AGAP1: variants seen among roughly 807,000 people sequenced by gnomAD.
The protein encoded by AGAP1 is arf-GAP with GTPase, ANK repeat and PH domain-containing protein 1.
A neutral mutation model predicts 105.3 loss-of-function variants in AGAP1; 29 were observed. The observed-to-expected ratio is 0.28, with a 90% CI of 0.21 to 0.38. The LOEUF (loss-of-function observed/expected upper bound fraction) is 0.38, where lower values mean the gene tolerates loss of function less well. AGAP1 is among the 10% of genes least tolerant of loss of function. AGAP1 has a pLI of 1.00. For synonymous variants in AGAP1, 509 were observed against 485.9 expected, an observed-to-expected ratio of 1.05 and a Z score of -0.63; for missense variants, 998 against 1,165.1, an observed-to-expected ratio of 0.86 and a Z score of 2.09.
At position 235,866,762 on chromosome 2, in the gene AGAP1, C is replaced by G. The variant is rs2049190045; in HGVS notation, c.1051-16583C>G. Among the ~76,000 whole-genome samples, 1 of 152,202 alleles carries G rather than the reference C, an allele frequency of 6.6e-6. No homozygotes were observed. ...ATTGGCTTCTCCTGAAGCCTCTCTC[C>G]TTGGCTTGCAGACAGCCATCTTCTC... On this transcript the variant is annotated intron_variant, in intron 9 of 17. Coordinates refer to ENST00000304032, the MANE Select transcript of AGAP1 (RefSeq NM_001037131.3). The surrounding 1 kb of genome is among the most constrained non-coding windows in gnomAD (Gnocchi z 6.1).
At chr2:236,074,317 C>G (rs1032370441) in intron 16 of AGAP1, among the ~76,000 whole-genome samples, 11 of 152,216 alleles carry the variant, frequency 7.2e-5, no homozygotes, top group African/African-American at 2.7e-4. Context: ...ATTCTCTCCA[C>G]TCCCTCCCCA....
At chr2:235,763,024 G>T (rs1259957298) in intron 6 of AGAP1, among the ~76,000 whole-genome samples, 1 of 149,620 alleles carries the variant, frequency 6.7e-6, no homozygotes, top group Non-Finnish European at 1.5e-5. Context: ...GGCAATGATT[G>T]TTAAGGCTCG....
At chr2:236,074,546 A>G (rs764743454) in intron 16 of AGAP1, among the ~76,000 whole-genome samples, 2 of 152,230 alleles carry the variant, frequency 1.3e-5, no homozygotes, top group Non-Finnish European at 2.9e-5. Context: ...ACGAGATAAT[A>G]GTCTCCATAA....
rs1946965093 is a variant in AGAP1 at position 235,635,458 on chromosome 2, G to A, written c.164-73721G>A. On this transcript the variant is annotated intron_variant, in intron 1 of 17. Coordinates refer to ENST00000304032, the MANE Select transcript of AGAP1 (RefSeq NM_001037131.3). This position sits in a 1 kb window ranked among gnomAD's most constrained non-coding sequence, Gnocchi z 5.3. ...TACTCTGAAAATTTGTCATTTTGGT[G>A]TGGTGAATTCGTTCTTTTATTCATC... 6.6e-6 allele frequency among the ~76,000 whole-genome samples: 1 copy of A among 152,130 alleles called. No homozygotes were observed. Among genetic ancestry groups the A allele is most frequent in the African/African-American group, 2.4e-5 (1 of 41,438 alleles).
At chr2:235,894,367 CAG>C (rs906672149) in intron 10 of AGAP1, among the ~76,000 whole-genome samples, 2 of 152,164 alleles carry the variant, frequency 1.3e-5, no homozygotes, top group African/African-American at 4.8e-5. Context: ...TCCCTGGGAA[CAG>C]CCAGAGTCCA....
Position 236,114,480 on chromosome 2 carries a change from T to G in AGAP1, c.2115-5712T>G, listed in dbSNP as rs1049758405. Among the ~76,000 whole-genome samples, 1 of 152,192 alleles carries G rather than the reference T, an allele frequency of 6.6e-6. No individual in the cohort carries two copies. The highest frequency in any genetic ancestry group is 1.5e-5 in the Non-Finnish European group (1 of 68,040). ...GTCAGCTCAGGCTGCCAAAATAAAG[T>G]ATTACACTTGGGTGGCTTAAGTGCG... On this transcript the variant is annotated intron_variant, in intron 16 of 17. Transcript: ENST00000304032. This position sits in a 1 kb window ranked among gnomAD's most constrained non-coding sequence, Gnocchi z 5.0.
intron 5 of AGAP1, among the ~76,000 whole-genome samples, chr2:235,746,377 CTTTTT>C (rs1172393048): frequency 0.019 from 1,029 of 55,490 alleles, 32 homozygotes; most frequent in African/African-American, 0.054. Context: ...CCTCCCCCAA[CTTTTT>C]TTTTTTTTTT....
intron 9 of AGAP1, among the ~76,000 whole-genome samples, chr2:235,847,504 A>G (rs1031490729): frequency 2.2e-4 from 34 of 152,278 alleles, no homozygotes; most frequent in African/African-American, 7.7e-4. Context: ...AGAAAATTAC[A>G]TCTTTGAAAA....
intron 1 of AGAP1, among the ~76,000 whole-genome samples, chr2:235,632,433 G>T (rs898469201): frequency 5.9e-5 from 9 of 152,270 alleles, no homozygotes; most frequent in Non-Finnish European, 7.4e-5. Flanking sequence ...CCCCTGTTTC[G>T]CCACGTCCAT....
At chr2:235,890,941 T>C (rs1575708064) in intron 10 of AGAP1, among the ~76,000 whole-genome samples, 2 of 56,818 alleles carry the variant, frequency 3.5e-5, no homozygotes, top group Non-Finnish European at 8.0e-5. Context: ...AAACTGAGGC[T>C]CAAAAAAAAA....
At chr2:235,709,381 A>G in intron 2 of AGAP1, 144 bp downstream of exon 2, 7 of 933,528 alleles carry the variant, frequency 7.5e-6, no homozygotes, top group Non-Finnish European at 1.7e-6. Flanking sequence ...AGGGCCAGGT[A>G]TAGTTGATAG....
intron 1 of AGAP1, among the ~76,000 whole-genome samples, chr2:235,672,743 A>G (rs1948503882): frequency 6.6e-6 from 1 of 152,236 alleles, no homozygotes; most frequent in African/African-American, 2.4e-5. Flanking sequence ...GAGAGAAAGA[A>G]AAACGCACAG....
chr2:235,572,003 CTTTT>C (rs374791680), intron 1 of AGAP1, among the ~76,000 whole-genome samples: 5 of 93,474 alleles, frequency 5.3e-5, no homozygotes, highest in Non-Finnish European at 8.2e-5. Flanking sequence ...CACACACACA[CTTTT>C]TTTTTTTTTT....
intron 6 of AGAP1, among the ~76,000 whole-genome samples, chr2:235,779,398 G>T (rs562458242): frequency 6.6e-6 from 1 of 152,332 alleles, no homozygotes; most frequent in South Asian, 2.1e-4. Flanking sequence ...AATAATTGGG[G>T]ATGAATATTG....
Position 235,712,493 on chromosome 2 carries a change from G to A in AGAP1, c.222+3256G>A, listed in dbSNP as rs2149525332. On this transcript the variant is annotated intron_variant, in intron 2 of 17. Coordinates refer to ENST00000304032, the MANE Select transcript of AGAP1 (RefSeq NM_001037131.3). The surrounding 1 kb of genome is among the most constrained non-coding windows in gnomAD (Gnocchi z 6.0). ...CATCTTGCCTGTGTAGGGGACCTCA[G>A]TCCCCAGCTCCTCACATCCTATTTG... Among the ~76,000 whole-genome samples the A allele has an allele frequency of 6.6e-6, 1 of 152,348 alleles. No homozygotes were observed. The highest frequency in any genetic ancestry group is 2.4e-5 in the African/African-American group (1 of 41,584).
chr2:236,106,584 G>A (rs1576320247), intron 16 of AGAP1, among the ~76,000 whole-genome samples: 1 of 152,220 alleles, frequency 6.6e-6, no homozygotes, highest in Non-Finnish European at 1.5e-5. Flanking sequence ...GGGATTCCAG[G>A]AACCCGAGAA....
intron 1 of AGAP1, among the ~76,000 whole-genome samples, chr2:235,580,473 G>C (rs559448895): frequency 1.3e-5 from 2 of 151,924 alleles, no homozygotes; most frequent in South Asian, 2.1e-4. Context: ...AGGGAGGGTT[G>C]GGGAGGGTGC....
At chr2:235,652,648 T>C (rs1182214347) in intron 1 of AGAP1, among the ~76,000 whole-genome samples, 1 of 152,024 alleles carries the variant, frequency 6.6e-6, no homozygotes, top group Non-Finnish European at 1.5e-5. Context: ...TCCCAGAACT[T>C]TGGGAGGCCC....
Position 236,089,062 on chromosome 2 carries a change from AAGG to A in AGAP1, c.2115-31127_2115-31125del, listed in dbSNP as rs1404578463. Among the ~76,000 whole-genome samples, 1 of 152,226 alleles carries A rather than the reference AAGG, an allele frequency of 6.6e-6. No homozygotes were observed. The highest frequency in any genetic ancestry group is 6.5e-5 in the Admixed American group (1 of 15,292). On this transcript the variant is annotated intron_variant, in intron 16 of 17. Transcript: ENST00000304032. The surrounding 1 kb of genome is among the most constrained non-coding windows in gnomAD (Gnocchi z 5.6). Reference sequence around the variant, plus strand: ...GTACATCACCACCGTCCATCACGTGAAGGAGTAGAAAAAGTGGGATGCCACAGT... The same window carrying A: ...GTACATCACCACCGTCCATCACGTGAAGTAGAAAAAGTGGGATGCCACAGT...
Sources: allele counts gnomAD v4.1 joint callset (sites outside exome capture counted in the v4.1 genomes callset), GRCh38; gene constraint gnomAD v4.1.1; non-coding constraint Gnocchi (gnomAD v3.1); transcripts MANE v1.5; gene names NCBI Gene and HGNC (gene_info 2026-07-23, HGNC 2026-07-21).